The following SYNE1 variants were observed in gnomAD, a reference collection of about 807,000 sequenced individuals.
The protein encoded by SYNE1 is spectrin repeat containing nuclear envelope protein 1, also known as nesprin-1.
SYNE1 carries 616 observed loss-of-function variants against 1,111.0 expected under a neutral mutation model. The ratio of observed to expected loss-of-function variants is 0.55; its 90% CI spans 0.52 to 0.59. The LOEUF (loss-of-function observed/expected upper bound fraction) is 0.59, where lower values mean the gene tolerates loss of function less well. SYNE1 is among the 20% of genes least tolerant of loss of function. SYNE1 has a pLI of 0.00. For missense variants in SYNE1, 10,006 were observed against 10,417.0 expected, an observed-to-expected ratio of 0.96 and a Z score of 1.72; for synonymous variants, 3,855 against 3,825.8, an observed-to-expected ratio of 1.01 and a Z score of -0.28.
Position 152,518,994 on chromosome 6 carries a change from G to C in SYNE1, c.309+1465C>G, listed in dbSNP as rs1386529997. Among the ~76,000 whole-genome samples, 3 of 151,024 alleles carry C rather than the reference G, an allele frequency of 2.0e-5. No homozygotes were observed. The South Asian group carries it at 6.4e-4, about 32-fold the overall frequency. ...ACCCACCCGGGACTGTTGTAGGGTG[G>C]GGGGAGGGGGGAGGGATAGCATTAG... On this transcript the variant is annotated intron_variant, in intron 6 of 145. Transcript: ENST00000367255.
At chr6:152,281,438 G>A (rs1343326903) in intron 97 of SYNE1, among the ~76,000 whole-genome samples, 1 of 152,116 alleles carries the variant, frequency 6.6e-6, no homozygotes, top group Non-Finnish European at 1.5e-5. Context: ...AATTGTAACA[G>A]AGCACCTAGA....
At chr6:152,253,810 GTGGTT>G (rs749800200) in intron 104 of SYNE1, among the ~76,000 whole-genome samples, 3,368 of 52,200 alleles carry the variant, frequency 0.065, 400 homozygotes, top group East Asian at 0.12. Flanking sequence ...TTTATGTGTA[GTGGTT>G]TGGTTTTTTT....
At chr6:152,126,344 C>T (rs1279202482) in intron 145 of SYNE1, 1 of 152,102 alleles carries the variant, frequency 6.6e-6, no homozygotes, top group Non-Finnish European at 1.5e-5. Flanking sequence ...CTAATGGTCC[C>T]AGGGAAAGGG....
intron 2 of SYNE1, among the ~76,000 whole-genome samples, chr6:152,632,889 T>G (rs79686024): frequency 0.015 from 2,355 of 152,246 alleles, 60 homozygotes; most frequent in African/African-American, 0.054. Context: ...CTGTTCCCAG[T>G]TTCTCCAGCT....
chr6:152,463,236 T>C (rs2098744676), intron 19 of SYNE1, 117 bp downstream of exon 19: 3 of 1,418,846 alleles, frequency 2.1e-6, no homozygotes, highest in Non-Finnish European at 9.9e-7. Flanking sequence ...GTTTTAAACA[T>C]ATCTATGCTT....
At chr6:152,524,548 T>C (rs1203974684) in intron 5 of SYNE1, among the ~76,000 whole-genome samples, 1 of 152,084 alleles carries the variant, frequency 6.6e-6, no homozygotes, top group East Asian at 1.9e-4. Flanking sequence ...CTAATGCTTA[T>C]CTAGTATCTT....
Position 152,151,958 on chromosome 6 carries a change from C to T in SYNE1, c.24312+1G>A, listed in dbSNP as rs749335725. 6.2e-7 allele frequency: 1 copy of T among 1,614,098 alleles called. No homozygotes were observed. On this transcript the variant is annotated splice_donor_variant, in intron 134 of 145. Transcript: ENST00000367255. LOFTEE classifies it high-confidence loss of function. ...AATTACAGATGAGGCATAGCAAAAA[C>T]CTTGAGTCTGCGCAAGATGGAGGTG...
intron 39 of SYNE1, 121 bp downstream of exon 39, chr6:152,425,260 G>A: frequency 9.6e-7 from 1 of 1,042,228 alleles, no homozygotes; most frequent in Non-Finnish European, 1.4e-6. Context: ...CTTCCCTTCT[G>A]TAGTTATCAG....
intron 40 of SYNE1, among the ~76,000 whole-genome samples, chr6:152,417,219 C>G (rs181548513): frequency 2.0e-5 from 3 of 152,158 alleles, no homozygotes; most frequent in Non-Finnish European, 2.9e-5. Flanking sequence ...CAACTCTGGG[C>G]CAGGCGCGGT....
intron 74 of SYNE1, among the ~76,000 whole-genome samples, chr6:152,342,457 G>T (rs546681648): frequency 5.9e-5 from 9 of 152,264 alleles, no homozygotes; most frequent in Non-Finnish European, 1.2e-4. Context: ...TGTTTCATTT[G>T]TCCTGATTCT....
At chr6:152,128,966 G>A (rs927822155) in intron 145 of SYNE1, 1 of 152,270 alleles carries the variant, frequency 6.6e-6, no homozygotes, top group African/African-American at 2.4e-5. Flanking sequence ...TTCAGGTGAA[G>A]ATTATTTATG....
At chr6:152,133,138 C>T (rs1010787833) in intron 143 of SYNE1, 138 bp downstream of exon 143, 19 of 823,052 alleles carry the variant, frequency 2.3e-5, no homozygotes, top group Non-Finnish European at 3.5e-5. Flanking sequence ...TGAGACAGGA[C>T]TTGTAAGAGC....
chr6:152,139,811 G>T, intron 140 of SYNE1, 139 bp downstream of exon 140: 1 of 822,990 alleles, frequency 1.2e-6, no homozygotes, highest in Non-Finnish European at 2.0e-6. Flanking sequence ...TGGAGGTGAG[G>T]AGAGCATTCT....
Position 152,149,523 on chromosome 6 carries a change from A to G in SYNE1, c.24596T>C (p.Val8199Ala). ...ATGGTATCTTTCCACACGCCCGAAG[A>G]CCTCCTGGCAGTACCGTCGGAGCTC... The part of the protein sequence containing the change: ...LDELRRYCQE[V>A]FGRVERYHKK... Residue 8199 changes from valine (V) to alanine (A), a missense_variant, in exon 136 of 146, where the codon GTC (valine) becomes GCC (alanine). Val to Ala is a moderately conservative substitution (Grantham distance 64, BLOSUM62 0). Coordinates refer to ENST00000367255, the MANE Select transcript of SYNE1 (RefSeq NM_182961.4). The G allele has an allele frequency of 6.2e-7, 1 of 1,613,980 alleles. No individual in the cohort carries two copies. Among genetic ancestry groups the G allele is most frequent in the South Asian group, 1.1e-5 (1 of 91,070 alleles).
At position 152,385,671 on chromosome 6, in the gene SYNE1, G is replaced by T; in HGVS notation, c.8652+3C>A. The T allele has an allele frequency of 6.2e-7, 1 of 1,614,002 alleles. No individual in the cohort carries two copies. On this transcript the variant is annotated splice_donor_region_variant and intron_variant, in intron 55 of 145. Coordinates refer to ENST00000367255, the MANE Select transcript of SYNE1 (RefSeq NM_182961.4). ...TAGATATAGCATCTGTTCATTTCCT[G>T]ACCTTAATTTTTGATAACTTTTTCT...
intron 72 of SYNE1, among the ~76,000 whole-genome samples, chr6:152,349,884 G>C (rs1031383965): frequency 1.3e-5 from 2 of 152,188 alleles, no homozygotes; most frequent in African/African-American, 4.8e-5. Flanking sequence ...CTGCTGCCAT[G>C]TGAGATGTGC....
chr6:152,227,703 T>C (rs1364711798), intron 115 of SYNE1, among the ~76,000 whole-genome samples: 1 of 152,198 alleles, frequency 6.6e-6, no homozygotes, highest in African/African-American at 2.4e-5. Flanking sequence ...ATTGAGTTTA[T>C]CCTCATTTTT....
At chr6:152,219,917 G>A (rs899845231) in intron 119 of SYNE1, among the ~76,000 whole-genome samples, 1 of 152,174 alleles carries the variant, frequency 6.6e-6, no homozygotes, top group African/African-American at 2.4e-5. Flanking sequence ...CCTGTTGCTG[G>A]TATCCCACTC....
At chr6:152,186,696 C>T (rs1470152231) in intron 128 of SYNE1, among the ~76,000 whole-genome samples, 1 of 147,678 alleles carries the variant, frequency 6.8e-6, no homozygotes, top group African/African-American at 2.5e-5. Context: ...TTGAAGCAAA[C>T]AGGATCCAAT....
Sources: allele counts gnomAD v4.1 joint callset (sites outside exome capture counted in the v4.1 genomes callset), GRCh38; gene constraint gnomAD v4.1.1; transcripts MANE v1.5; gene names NCBI Gene and HGNC (gene_info 2026-07-23, HGNC 2026-07-21).